The following FLT3 variants were observed in gnomAD, a reference collection of about 807,000 sequenced individuals.
FLT3 encodes receptor-type tyrosine-protein kinase FLT3.
A neutral mutation model predicts 126.6 loss-of-function variants in FLT3; 46 were observed. The observed-to-expected ratio is 0.36, with a 90% CI of 0.29 to 0.46. The LOEUF is 0.46. FLT3 is among the 20% of genes least tolerant of loss of function. FLT3 has a pLI of 1.00. For synonymous variants in FLT3, 404 were observed against 434.4 expected (o/e 0.93, Z 0.87); for missense variants, 1,069 against 1,190.3 (o/e 0.90, Z 1.50).
chr13:28,019,475 C>G (rs1411773239), intron 19 of FLT3, among the ~76,000 whole-genome samples: 1 of 152,026 alleles, frequency 6.6e-6, no homozygotes, highest in Non-Finnish European at 1.5e-5. Context: ...TGAAGGGGAA[C>G]AGGGCACTAG....
intron 9 of FLT3, among the ~76,000 whole-genome samples, chr13:28,047,785 T>G (rs758036237): frequency 7.9e-5 from 12 of 152,072 alleles, no homozygotes; most frequent in Non-Finnish European, 1.8e-4. Context: ...CTTGCATAGT[T>G]TCTCATACAA....
intron 1 of FLT3, among the ~76,000 whole-genome samples, chr13:28,099,941 T>C (rs1372179711): frequency 6.6e-6 from 1 of 152,188 alleles, no homozygotes; most frequent in Non-Finnish European, 1.5e-5. Context: ...GTATCGTTAT[T>C]GAGGATGACT....
At chr13:28,091,323 G>A (rs529374251) in intron 1 of FLT3, among the ~76,000 whole-genome samples, 36 of 133,302 alleles carry the variant, frequency 2.7e-4, no homozygotes, top group South Asian at 2.4e-3. Flanking sequence ...CCGGGTTCAC[G>A]CCATTCTCCT....
intron 9 of FLT3, among the ~76,000 whole-genome samples, chr13:28,039,744 C>T (rs1874180381): frequency 6.6e-6 from 1 of 152,196 alleles, no homozygotes; most frequent in African/African-American, 2.4e-5. Flanking sequence ...AGACAGGGTT[C>T]ACCATGTTGG....
chr13:28,013,032 C>T (rs760931281), intron 23 of FLT3, among the ~76,000 whole-genome samples: 2 of 152,024 alleles, frequency 1.3e-5, no homozygotes, highest in African/African-American at 2.4e-5. Flanking sequence ...ACTCTTCTTT[C>T]AGTTTACCTT....
chr13:28,045,741 A>G (rs1035095673), intron 9 of FLT3, among the ~76,000 whole-genome samples: 1 of 151,930 alleles, frequency 6.6e-6, no homozygotes, highest in Non-Finnish European at 1.5e-5. Flanking sequence ...TGCACCTATA[A>G]TCCCAGCTAC....
At chr13:28,052,958 A>T (rs2137742616) in intron 4 of FLT3, among the ~76,000 whole-genome samples, 1 of 152,332 alleles carries the variant, frequency 6.6e-6, no homozygotes, top group African/African-American at 2.4e-5. Flanking sequence ...TGAAAATACA[A>T]ATATTGATAG....
intron 1 of FLT3, among the ~76,000 whole-genome samples, chr13:28,073,091 A>C (rs28458275): frequency 6.6e-6 from 1 of 152,016 alleles, no homozygotes; most frequent in Middle Eastern, 3.4e-3. Flanking sequence ...CTGTAATCCC[A>C]GCACTTTGGG....
In FLT3 at chr13:28,050,179, CTT is replaced by C. The variant is rs1875307752; in HGVS notation, c.656_657del (p.Lys219SerfsTer4). 1 of 1,613,778 alleles carries C rather than the reference CTT, an allele frequency of 6.2e-7. No individual in the cohort carries two copies. The highest frequency in any genetic ancestry group is 8.5e-7 in the Non-Finnish European group (1 of 1,179,762). ...ESPAVVKKEE[K>X]VLHELFGTDI... ...TCCGTCCCAAATAATTCATGAAGCA[CTT>C]TTTCCTCCTTTTTAACAACAGCTGG... On this transcript the variant is annotated frameshift_variant, in exon 6 of 24. Transcript: ENST00000241453. LOFTEE classifies it high-confidence loss of function.
rs139849816 is a variant in FLT3 at position 28,097,243 on chromosome 13, G to A, written c.43+3225C>T. 2.0e-3 allele frequency among the ~76,000 whole-genome samples: 301 copies of A among 151,384 alleles called. 4 individuals carry two copies. The East Asian group carries it at 0.044, about 22-fold the overall frequency. ...AAGAAAGAAAAAGAAAGAAAGAAAG[G>A]AAGGAAGGAAAGAAGGAAGGAAGGA... On this transcript the variant is annotated intron_variant, in intron 1 of 23. Transcript: ENST00000241453.
chr13:28,050,301 C>A, intron 5 of FLT3, 79 bp from the exon 6 acceptor site: 1 of 1,424,102 alleles, frequency 7.0e-7, no homozygotes, highest in Non-Finnish European at 9.7e-7. Flanking sequence ...GAACAAAGTT[C>A]TAGAGCCAGT....
intron 19 of FLT3, 52 bp from the exon 20 acceptor site, chr13:28,018,641 A>C: frequency 6.3e-7 from 1 of 1,593,984 alleles, no homozygotes; most frequent in Non-Finnish European, 8.6e-7. Flanking sequence ...ATTATCCTGG[A>C]GTGCAATCTT....
intron 23 of FLT3, among the ~76,000 whole-genome samples, chr13:28,010,050 A>G (rs770202506): frequency 3.3e-5 from 5 of 152,122 alleles, no homozygotes; most frequent in South Asian, 2.1e-4. Flanking sequence ...CGCCCCTCTC[A>G]ACTGATGTCC....
At chr13:28,065,165 A>G (rs1485748177) in intron 2 of FLT3, among the ~76,000 whole-genome samples, 1 of 152,034 alleles carries the variant, frequency 6.6e-6, no homozygotes, top group Admixed American at 6.5e-5. Context: ...CTTGTGCACA[A>G]TAAATACTGG....
intron 17 of FLT3, chr13:28,025,214 G>A (rs1019610372): frequency 6.3e-6 from 3 of 477,910 alleles, no homozygotes; most frequent in Non-Finnish European, 1.1e-5. Context: ...CCTATGAGAT[G>A]GGTGGCATTT....
chr13:28,027,819 C>A (rs564854229), intron 16 of FLT3, among the ~76,000 whole-genome samples: 2 of 152,370 alleles, frequency 1.3e-5, no homozygotes, highest in South Asian at 2.1e-4. Flanking sequence ...GGCAGCCCAA[C>A]TGGGGCAGTG....
intron 3 of FLT3, among the ~76,000 whole-genome samples, chr13:28,057,743 TA>T (rs767675163): frequency 1.3e-5 from 2 of 152,212 alleles, no homozygotes; most frequent in South Asian, 4.2e-4. Flanking sequence ...AACTCCCATC[TA>T]AAAACACACA....
At chr13:28,019,319 G>A (rs1452074753) in intron 19 of FLT3, among the ~76,000 whole-genome samples, 1 of 152,064 alleles carries the variant, frequency 6.6e-6, no homozygotes, top group African/African-American at 2.4e-5. Context: ...GAGTAATATC[G>A]AGGGAAATAA....
intron 1 of FLT3, among the ~76,000 whole-genome samples, chr13:28,099,599 CA>C (rs1879688800): frequency 6.6e-6 from 1 of 152,152 alleles, no homozygotes. Flanking sequence ...GTGTCAGTCC[CA>C]AGGTTGCAGA....
Sources: allele counts gnomAD v4.1 joint callset (sites outside exome capture counted in the v4.1 genomes callset), GRCh38; gene constraint gnomAD v4.1.1; transcripts MANE v1.5; gene names NCBI Gene and HGNC (gene_info 2026-07-23, HGNC 2026-07-21).